The following UTS2R variants were observed in gnomAD, a reference collection of about 807,000 sequenced individuals.
UTS2R encodes the protein urotensin 2 receptor.
For synonymous variants in UTS2R, 335 were observed against 280.9 expected (o/e 1.19, Z -1.93); for missense variants, 653 against 562.2 (o/e 1.16, Z -1.63).
rs2052475206 is a variant in UTS2R, at chr17:82,374,608, T to C, written c.284T>C (p.Leu95Pro). ...TACGTCTACGTGGTCAACCTGGCGC[T>C]GGCCGACCTGCTGTACCTGCTCAGC... ...SMYVYVVNLA[L>P]ADLLYLLSIP... Residue 95 changes from leucine (L) to proline (P), a missense_variant, in exon 3 of 3, where the codon CTG (leucine) becomes CCG (proline). Coordinates refer to ENST00000313135, the MANE Select transcript of UTS2R (RefSeq NM_018949.3). The C allele has an allele frequency of 1.2e-6, 2 of 1,610,664 alleles. No individual in the cohort carries two copies. Among genetic ancestry groups the C allele is most frequent in the Non-Finnish European group, 1.7e-6 (2 of 1,178,812 alleles).
Position 82,374,570 on chromosome 17 carries a change from G to T in UTS2R, c.246G>T (p.Ala82=), listed in dbSNP as rs182472957. 3.8e-6 allele frequency: 6 copies of T among 1,598,534 alleles called. No individual in the cohort carries two copies. In the Admixed American group the frequency reaches 5.2e-5, roughly 14 times the overall value. Residue 82 remains alanine (A), a synonymous_variant, in exon 3 of 3, where the codon GCG becomes GCT. Transcript: ENST00000313135. The part of the protein sequence containing the change: ...TLVVTCRSLR[A]VASMYVYVVN... ...TGGTCACCTGCCGCTCCCTGCGTGCGGTGGCCTCCATGTACGTCTACGTGG... is the reference window on the plus strand; with the variant it reads ...TGGTCACCTGCCGCTCCCTGCGTGCTGTGGCCTCCATGTACGTCTACGTGG...
chr17:82,374,397 C>A lies in UTS2R; in HGVS notation c.73C>A (p.Pro25Thr), dbSNP rs952814848. The A allele has an allele frequency of 5.0e-6, 8 of 1,592,288 alleles. No homozygotes were observed. Among genetic ancestry groups the A allele is most frequent in the Non-Finnish European group, 6.8e-6 (8 of 1,175,096 alleles). The change falls in exon 3 of 3, where the codon CCT (proline) becomes ACT (threonine). Residue 25 changes from proline (P) to threonine (T), a missense_variant. By Grantham distance (38) the Pro-to-Thr change is conservative. Coordinates refer to ENST00000313135, the MANE Select transcript of UTS2R (RefSeq NM_018949.3). ...AATGSSVPEP[P>T]GGPNATLNSS... ...CACTGGCAGCTCTGTGCCGGAGCCG[C>A]CTGGCGGCCCCAACGCAACCCTCAA...
At position 82,375,779 on chromosome 17, in the gene UTS2R, C is replaced by T. The variant is rs185659985; in HGVS notation, c.*285C>T. 6.6e-6 allele frequency among the ~76,000 whole-genome samples: 1 copy of T among 152,300 alleles called. No individual in the cohort carries two copies. The highest frequency in any genetic ancestry group is 2.4e-5 in the African/African-American group (1 of 41,552). On this transcript the variant is annotated 3_prime_UTR_variant, in exon 3 of 3. Coordinates refer to ENST00000313135, the MANE Select transcript of UTS2R (RefSeq NM_018949.3). Reference sequence around the variant, plus strand: ...TGCCCGGCCCGTGTGGAGACCATGGCGCGGCTGCCGCCCCCGGGACCCTCC... The same window carrying T: ...TGCCCGGCCCGTGTGGAGACCATGGTGCGGCTGCCGCCCCCGGGACCCTCC...
chr17:82,374,546 G>A lies in UTS2R; in HGVS notation c.222G>A (p.Val74=). 6.3e-7 allele frequency: 1 copy of A among 1,586,038 alleles called. No homozygotes were observed. Among genetic ancestry groups the A allele is most frequent in the South Asian group, 1.1e-5 (1 of 88,110 alleles). Residue 74 remains valine (V), a synonymous_variant, in exon 3 of 3, where the codon GTG becomes GTA. Transcript: ENST00000313135. ...VGVVGNAYTL[V]VTCRSLRAVA... is the part of the protein sequence containing the mutation. ...TGGTGGGCAACGCCTACACGCTGGT[G>A]GTCACCTGCCGCTCCCTGCGTGCGG... is the stretch of plus-strand genomic sequence containing the variant.
At chr17:82,373,825 A>C (rs1381386947) in intron 2 of UTS2R, among the ~76,000 whole-genome samples, 1 of 152,340 alleles carries the variant, frequency 6.6e-6, no homozygotes, top group East Asian at 1.9e-4. Context: ...TACAAGTCAA[A>C]TAAATACGAG....
At position 82,375,325 on chromosome 17, in the gene UTS2R, G is replaced by A; in HGVS notation, c.1001G>A (p.Gly334Asp). Residue 334 changes from glycine to aspartate, a missense_variant, in exon 3 of 3, where the codon GGC becomes GAC. Gly to Asp is a moderately conservative substitution (Grantham distance 94, BLOSUM62 -1). Transcript: ENST00000313135. ...DHLRGRVRGP[G>D]SGGGRGPVPS... is the part of the protein sequence containing the mutation. ...CTGCGCGGCCGCGTGCGGGGCCCGG[G>A]CAGCGGGGGAGGCCGGGGGCCCGTT... is the stretch of plus-strand genomic sequence containing the variant. 1.3e-6 allele frequency: 2 copies of A among 1,548,128 alleles called. No individual in the cohort carries two copies. Among genetic ancestry groups the A allele is most frequent in the Non-Finnish European group, 8.7e-7 (1 of 1,148,224 alleles).
In UTS2R at chr17:82,374,875, T is replaced by C; in HGVS notation, c.551T>C (p.Val184Ala). Reference sequence around the variant, plus strand: ...CTGGCGCTGCTGCTGACGCTGCCCGTGATGCTGGCCATGCGGCTGGTGCGC... The same window carrying C: ...CTGGCGCTGCTGCTGACGCTGCCCGCGATGCTGGCCATGCGGCTGGTGCGC... ...WLLALLLTLP[V>A]MLAMRLVRRG... Residue 184 changes from valine to alanine, a missense_variant, in exon 3 of 3, where the codon GTG becomes GCG. By Grantham distance (64) the Val-to-Ala change is moderately conservative. Transcript: ENST00000313135. 1.5e-6 allele frequency: 2 copies of C among 1,297,690 alleles called. No homozygotes were observed. The highest frequency in any genetic ancestry group is 4.9e-5 in the East Asian group (2 of 40,478). The allele number at this position is 1,297,690 out of a possible 1,614,324, so 80.4% of individuals were successfully genotyped here.
In UTS2R at chr17:82,376,153, T is replaced by G. The variant is rs1446614423; in HGVS notation, c.*659T>G. Among the ~76,000 whole-genome samples the G allele has an allele frequency of 2.0e-5, 3 of 152,178 alleles. No individual in the cohort carries two copies. The highest frequency in any genetic ancestry group is 4.4e-5 in the Non-Finnish European group (3 of 68,014). On this transcript the variant is annotated 3_prime_UTR_variant, in exon 3 of 3. Coordinates refer to ENST00000313135, the MANE Select transcript of UTS2R (RefSeq NM_018949.3). ...ACTGCCCAGCAGAGGCCTGAGGCTT[T>G]GGGTGCAGAACGCAAGAGGACAAGG...
intron 2 of UTS2R, 114 bp from the exon 3 acceptor site, chr17:82,374,129 G>C: frequency 1.7e-6 from 1 of 576,260 alleles, no homozygotes; most frequent in South Asian, 2.3e-5. Context: ...GGCTTCCAGA[G>C]AGTCCCGAGA....
chr17:82,374,468 G>T lies in UTS2R; in HGVS notation c.144G>T (p.Leu48=). 6.3e-7 allele frequency: 1 copy of T among 1,596,834 alleles called. No homozygotes were observed. Residue 48 remains leucine (L), a synonymous_variant, in exon 3 of 3, where the codon CTG becomes CTT. Transcript: ENST00000313135. ...SPTEPSSLED[L]VATGTIGTLL... Reference sequence around the variant, plus strand: ...CCGAGCCCAGCTCCCTGGAGGACCTGGTGGCCACGGGCACCATTGGGACTC... The same window carrying T: ...CCGAGCCCAGCTCCCTGGAGGACCTTGTGGCCACGGGCACCATTGGGACTC...
chr17:82,374,186 A>G (rs1253170075), intron 2 of UTS2R, 57 bp from the exon 3 acceptor site: 4 of 690,640 alleles, frequency 5.8e-6, no homozygotes, highest in African/African-American at 3.6e-5. Context: ...GAACGAGGCC[A>G]TCACAGTGGC....
rs113602429 is a variant in UTS2R, at chr17:82,376,177, G to C, written c.*683G>C. 0.015 allele frequency among the ~76,000 whole-genome samples: 2,331 copies of C among 152,270 alleles called. 61 individuals carry two copies. Among genetic ancestry groups the C allele is most frequent in the African/African-American group, 0.053 (2,206 of 41,536 alleles). The stretch of plus-strand genomic sequence containing the variant: ...TTGGGTGCAGAACGCAAGAGGACAA[G>C]GTCAGTGGCCGCACCTACAGGCCTC... On this transcript the variant is annotated 3_prime_UTR_variant, in exon 3 of 3. Transcript: ENST00000313135.
chr17:82,376,813 T>C lies in UTS2R; in HGVS notation c.*1319T>C, dbSNP rs1465857602. Among the ~76,000 whole-genome samples the C allele has an allele frequency of 1.3e-5, 2 of 152,062 alleles. No homozygotes were observed. Among genetic ancestry groups the C allele is most frequent in the African/African-American group, 4.8e-5 (2 of 41,424 alleles). Reference sequence around the variant, plus strand: ...CTCTGTTAAAATTGAAAGAGACTGATGTCAGCCGCCCCGTCTGGGAGGGAG... The same window carrying C: ...CTCTGTTAAAATTGAAAGAGACTGACGTCAGCCGCCCCGTCTGGGAGGGAG... On this transcript the variant is annotated 3_prime_UTR_variant, in exon 3 of 3. Coordinates refer to ENST00000313135, the MANE Select transcript of UTS2R (RefSeq NM_018949.3).
Position 82,375,411 on chromosome 17 carries a change from A to T in UTS2R, c.1087A>T (p.Ser363Cys). 1 of 1,574,864 alleles carries T rather than the reference A, an allele frequency of 6.3e-7. No individual in the cohort carries two copies. The highest frequency in any genetic ancestry group is 8.5e-7 in the Non-Finnish European group (1 of 1,169,690). The part of the protein sequence containing the change: ...RCSGRSLSSC[S>C]PQPTDSLVLA... ...TTCGGGCCGCTCCCTGTCTTCCTGC[A>T]GCCCACAGCCCACTGACAGCCTCGT... The change falls in exon 3 of 3, where the codon AGC (serine) becomes TGC (cysteine). Residue 363 changes from serine to cysteine, a missense_variant. Coordinates refer to ENST00000313135, the MANE Select transcript of UTS2R (RefSeq NM_018949.3).
At position 82,375,156 on chromosome 17, in the gene UTS2R, C is replaced by A; in HGVS notation, c.832C>A (p.Gln278Lys). 6.5e-7 allele frequency: 1 copy of A among 1,539,162 alleles called. No individual in the cohort carries two copies. Residue 278 changes from glutamine (Q) to lysine (K), a missense_variant, in exon 3 of 3, where the codon CAG becomes AAG. Gln to Lys is a moderately conservative substitution (Grantham distance 53, BLOSUM62 1). Transcript: ENST00000313135. ...CTGCTTCCTGCCCTTCTGGCTGTGG[C>A]AGCTGCTCGCCCAGTACCACCAGGC... ...WACFLPFWLW[Q>K]LLAQYHQAPL...
rs2052482524 is a variant in UTS2R at position 82,375,077 on chromosome 17, G to T, written c.753G>T (p.Arg251=). ...SQRASFKRAR[R]PGARALRLVL... The stretch of plus-strand genomic sequence containing the variant: ...GCGCCTCCTTCAAGCGGGCCCGGCG[G>T]CCGGGGGCGCGCGCGCTGCGCCTGG... Residue 251 remains arginine (R), a synonymous_variant, in exon 3 of 3, where the codon CGG becomes CGT. Coordinates refer to ENST00000313135, the MANE Select transcript of UTS2R (RefSeq NM_018949.3). 2 of 1,406,482 alleles carry T rather than the reference G, an allele frequency of 1.4e-6. No homozygotes were observed. The highest frequency in any genetic ancestry group is 1.8e-6 in the Non-Finnish European group (2 of 1,088,552). The allele number at this position is 1,406,482 out of a possible 1,614,324, so 87.1% of individuals were successfully genotyped here.
chr17:82,373,047 T>A (rs1027427150), intron 2 of UTS2R, among the ~76,000 whole-genome samples: 4 of 152,240 alleles, frequency 2.6e-5, no homozygotes, highest in African/African-American at 9.6e-5. Context: ...TTTCAGGAAG[T>A]CCCCGGTCAC....
rs1016134835 is a variant in UTS2R at position 82,374,610 on chromosome 17, G to A, written c.286G>A (p.Ala96Thr). Residue 96 changes from alanine (A) to threonine (T), a missense_variant, in exon 3 of 3, where the codon GCC becomes ACC. Transcript: ENST00000313135. ...CGTCTACGTGGTCAACCTGGCGCTG[G>A]CCGACCTGCTGTACCTGCTCAGCAT... The part of the protein sequence containing the change: ...MYVYVVNLAL[A>T]DLLYLLSIPF... The A allele has an allele frequency of 1.1e-5, 17 of 1,610,696 alleles. No homozygotes were observed. Among genetic ancestry groups the A allele is most frequent in the Non-Finnish European group, 1.4e-5 (17 of 1,178,828 alleles).
chr17:82,375,305 C>A lies in UTS2R; in HGVS notation c.981C>A (p.Arg327=), dbSNP rs373721084. 4.8e-5 allele frequency: 74 copies of A among 1,545,890 alleles called. No homozygotes were observed. Among genetic ancestry groups the A allele is most frequent in the Non-Finnish European group, 5.8e-5 (67 of 1,146,286 alleles). ...LLTRNYRDHL[R]GRVRGPGSGG... ...CCAGGAACTACCGCGACCACCTGCG[C>A]GGCCGCGTGCGGGGCCCGGGCAGCG... Residue 327 remains arginine (R), a synonymous_variant, in exon 3 of 3, where the codon CGC becomes CGA. Coordinates refer to ENST00000313135, the MANE Select transcript of UTS2R (RefSeq NM_018949.3).
Sources: gnomAD v4.1 joint callset for allele counts (sites outside exome capture counted in the v4.1 genomes callset) on GRCh38, gnomAD v4.1.1 for gene constraint, MANE v1.5 for transcripts, NCBI Gene and HGNC (gene_info 2026-07-23, HGNC 2026-07-21) for gene names.